AGBL1: variants seen among roughly 807,000 people sequenced by gnomAD.
AGBL1 encodes AGBL carboxypeptidase 1.
A neutral mutation model predicts 118.9 loss-of-function variants in AGBL1; 130 were observed. That is an observed-to-expected ratio of 1.09 (90% CI 0.95 to 1.26). AGBL1 has a LOEUF of 1.26. AGBL1 is among the 50% of genes most tolerant of loss of function. AGBL1 has a pLI of 0.00. For missense variants in AGBL1, 1,584 were observed against 1,298.1 expected (o/e 1.22, Z -3.38); for synonymous variants, 555 against 478.9 (o/e 1.16, Z -2.08).
chr15:86,229,743 G>A (rs768448458), intron 6 of AGBL1, among the ~76,000 whole-genome samples: 1 of 152,138 alleles, frequency 6.6e-6, no homozygotes, highest in Non-Finnish European at 1.5e-5. Context: ...CCCTGGAAGC[G>A]GCACTTGAGT....
chr15:86,152,107 A>G (rs1488871031), intron 3 of AGBL1, among the ~76,000 whole-genome samples: 1 of 152,242 alleles, frequency 6.6e-6, no homozygotes, highest in Non-Finnish European at 1.5e-5. Context: ...AGTAATTTAT[A>G]GATTCAATGC....
chr15:86,116,478 G>C (rs1597414350), intron 1 of AGBL1: 1 of 152,238 alleles, frequency 6.6e-6, no homozygotes, highest in African/African-American at 2.4e-5. Context: ...CATTGGTTCA[G>C]TAGGCTGAGT....
chr15:86,678,456 ACGTCTTTG>A (rs1276548738), intron 22 of AGBL1, among the ~76,000 whole-genome samples: 1 of 152,090 alleles, frequency 6.6e-6, no homozygotes, highest in Non-Finnish European at 1.5e-5. Context: ...TTTCCTAATC[ACGTCTTTG>A]TGCATTATTC....
intron 21 of AGBL1, among the ~76,000 whole-genome samples, chr15:86,572,024 C>G (rs543760457): frequency 6.6e-6 from 1 of 152,194 alleles, no homozygotes; most frequent in Non-Finnish European, 1.5e-5. Flanking sequence ...GGGGCCAAGC[C>G]GGCAGGCGTC....
At chr15:87,011,911 A>T (rs2081564252) in intron 24 of AGBL1, among the ~76,000 whole-genome samples, 1 of 152,174 alleles carries the variant, frequency 6.6e-6, no homozygotes, top group Non-Finnish European at 1.5e-5. Flanking sequence ...ATAAAGAGTC[A>T]TCAAAGTTTT....
At chr15:86,878,484 G>A (rs922240534) in intron 22 of AGBL1, among the ~76,000 whole-genome samples, 1 of 152,156 alleles carries the variant, frequency 6.6e-6, no homozygotes, top group African/African-American at 2.4e-5. Context: ...TATCCATCAA[G>A]CTTCTTGTTC....
At position 86,876,494 on chromosome 15, in the gene AGBL1, C is replaced by T. The variant is rs192878378; in HGVS notation, c.3159-30593C>T. The stretch of plus-strand genomic sequence containing the variant: ...GACTCCTCAGGAACTCCCTCTCCTG[C>T]GGGAACAAGTTCCTCTTGGGATTGG... On this transcript the variant is annotated intron_variant, in intron 22 of 22. Coordinates refer to ENST00000614907, the MANE Select transcript of AGBL1 (RefSeq NM_001386094.1). Among the ~76,000 whole-genome samples, 167 of 152,242 alleles carry T rather than the reference C, an allele frequency of 1.1e-3. 1 individual carries two copies. The highest frequency in any genetic ancestry group is 2.1e-4 in the South Asian group (1 of 4,804).
intron 5 of AGBL1, among the ~76,000 whole-genome samples, chr15:86,191,985 C>T (rs116919827): frequency 0.015 from 2,194 of 151,068 alleles, 39 homozygotes; most frequent in African/African-American, 0.043. Context: ...CCTGTAGTAC[C>T]AGCTACTTAG....
chr15:86,494,418 T>C (rs536298715), intron 18 of AGBL1, among the ~76,000 whole-genome samples: 141 of 152,096 alleles, frequency 9.3e-4, no homozygotes, highest in African/African-American at 3.3e-3. Flanking sequence ...CACCTCAACA[T>C]AAGAAAGTTG....
intron 22 of AGBL1, among the ~76,000 whole-genome samples, chr15:86,884,200 A>G (rs182648233): frequency 6.6e-6 from 1 of 152,204 alleles, no homozygotes; most frequent in Non-Finnish European, 1.5e-5. Flanking sequence ...TTACTTGAAC[A>G]TAAGTACTTC....
At chr15:86,683,274 G>A (rs905330110) in intron 22 of AGBL1, among the ~76,000 whole-genome samples, 6 of 152,064 alleles carry the variant, frequency 3.9e-5, no homozygotes, top group Non-Finnish European at 7.4e-5. Flanking sequence ...AACGACTTGG[G>A]TTCATTTTGG....
chr15:87,007,457 G>C (rs1183492253), intron 24 of AGBL1, among the ~76,000 whole-genome samples: 1 of 152,136 alleles, frequency 6.6e-6, no homozygotes, highest in African/African-American at 2.4e-5. Flanking sequence ...CTTTAAAATT[G>C]ATATCACCAG....
At chr15:86,518,495 G>A (rs2083148820) in intron 18 of AGBL1, among the ~76,000 whole-genome samples, 1 of 151,966 alleles carries the variant, frequency 6.6e-6, no homozygotes, top group African/African-American at 2.4e-5. Flanking sequence ...AATTTCAGTT[G>A]AGATGCTTTT....
intron 1 of AGBL1, among the ~76,000 whole-genome samples, chr15:86,113,410 C>T (rs1197817321): frequency 6.6e-6 from 1 of 151,252 alleles, no homozygotes; most frequent in Admixed American, 6.6e-5. Context: ...GCCTCAGCCT[C>T]CCGAGTAGCT....
intron 22 of AGBL1, among the ~76,000 whole-genome samples, chr15:86,732,468 C>T (rs546727380): frequency 4.1e-4 from 62 of 152,226 alleles, no homozygotes; most frequent in African/African-American, 1.3e-3. Context: ...ATTTTGTGAG[C>T]TCCCTAATAT....
intron 22 of AGBL1, among the ~76,000 whole-genome samples, chr15:86,789,734 A>G (rs1361867352): frequency 1.3e-5 from 2 of 152,076 alleles, no homozygotes; most frequent in Non-Finnish European, 2.9e-5. Flanking sequence ...GAGACCCCCT[A>G]TGTTTTTGAA....
rs139051031 is a variant in AGBL1, at chr15:86,597,068, T to C, written c.2994+42531T>C. Reference sequence around the variant, plus strand: ...CAAGATGGATTTATCCATCAGTCCATTTGTTTCTTTGTCCATATATCCATG... The same window carrying C: ...CAAGATGGATTTATCCATCAGTCCACTTGTTTCTTTGTCCATATATCCATG... On this transcript the variant is annotated intron_variant, in intron 21 of 22. Coordinates refer to ENST00000614907, the MANE Select transcript of AGBL1 (RefSeq NM_001386094.1). 1.5e-3 allele frequency among the ~76,000 whole-genome samples: 223 copies of C among 152,270 alleles called. 1 individual carries two copies. The South Asian group carries it at 0.019, about 13-fold the overall frequency.
chr15:86,355,554 C>G (rs1419078921), intron 17 of AGBL1, among the ~76,000 whole-genome samples: 1 of 152,206 alleles, frequency 6.6e-6, no homozygotes, highest in Non-Finnish European at 1.5e-5. Context: ...CAGCCTTCAC[C>G]CAAGCTTTTG....
chr15:86,924,767 C>G (rs570887738), intron 23 of AGBL1, among the ~76,000 whole-genome samples: 1 of 152,008 alleles, frequency 6.6e-6, no homozygotes, highest in Non-Finnish European at 1.5e-5. Context: ...GTCTCTCAAA[C>G]TTTGGCCACA....
Sources: gnomAD v4.1 joint callset for allele counts (sites outside exome capture counted in the v4.1 genomes callset) on GRCh38, gnomAD v4.1.1 for gene constraint, MANE v1.5 for transcripts, NCBI Gene and HGNC (gene_info 2026-07-23, HGNC 2026-07-21) for gene names.